Variants in ST6GAL2 observed in about 807,000 individuals in gnomAD.
ST6GAL2 encodes the protein beta-galactoside alpha-2,6-sialyltransferase 2.
Under a neutral mutation model 37.5 loss-of-function variants are expected in ST6GAL2, and 24 were observed. The ratio of observed to expected loss-of-function variants is 0.64; its 90% CI spans 0.46 to 0.90. ST6GAL2 has a LOEUF of 0.90. ST6GAL2 is among the 40% of genes least tolerant of loss of function. ST6GAL2 has a pLI of 0.00. For missense variants in ST6GAL2, 715 were observed against 712.7 expected (o/e 1.00, Z -0.04); for synonymous variants, 306 against 295.1 (o/e 1.04, Z -0.38).
intron 1 of ST6GAL2, among the ~76,000 whole-genome samples, chr2:106,846,020 C>T (rs1677129890): frequency 7.8e-6 from 1 of 127,666 alleles, no homozygotes; most frequent in South Asian, 3.0e-4. Context: ...GATACCCAGC[C>T]AGCCCCAAGC....
At chr2:106,814,310 T>G (rs1024587020) in intron 5 of ST6GAL2, among the ~76,000 whole-genome samples, 4 of 152,036 alleles carry the variant, frequency 2.6e-5, no homozygotes, top group Non-Finnish European at 5.9e-5. Flanking sequence ...ATGTTCTGAG[T>G]TTGGGTGACA....
intron 1 of ST6GAL2, among the ~76,000 whole-genome samples, chr2:106,865,974 A>G (rs1442937703): frequency 6.6e-6 from 1 of 152,222 alleles, no homozygotes; most frequent in Non-Finnish European, 1.5e-5. Context: ...TTGCATTTGC[A>G]TTAGGTTGTC....
At chr2:106,813,064 G>A in intron 5 of ST6GAL2, 2 of 1,220,414 alleles carry the variant, frequency 1.6e-6, no homozygotes, top group Non-Finnish European at 2.0e-6. Flanking sequence ...TATGGGGCCA[G>A]CTGTTTTGAA....
chr2:106,806,835 G>A lies in ST6GAL2; in HGVS notation c.1433C>T (p.Thr478Ile). ...YHELYYDAACTLGAYHPLLYE... is the reference protein window; with the variant it reads ...YHELYYDAACILGAYHPLLYE... Reference sequence around the variant, plus strand: ...GAGTAGTGGGTGGTACGCCCCGAGGGTGCAGGCTGCGTCGTAGTACAGCTC... The same window carrying A: ...GAGTAGTGGGTGGTACGCCCCGAGGATGCAGGCTGCGTCGTAGTACAGCTC... The change falls in exon 6 of 6, where the codon ACC becomes ATC. Residue 478 changes from threonine (T) to isoleucine (I), a missense_variant. By Grantham distance (89) the Thr-to-Ile change is moderately conservative (BLOSUM62 -1). Around this residue, in one of 3 missense-constraint regions of ST6GAL2, gnomAD observed 198 missense variants for 203.6 expected, o/e 0.97. Coordinates refer to ENST00000409382, the MANE Select transcript of ST6GAL2 (RefSeq NM_001142351.2). 3 of 1,614,154 alleles carry A rather than the reference G, an allele frequency of 1.9e-6. No individual in the cohort carries two copies. The highest frequency in any genetic ancestry group is 2.5e-6 in the Non-Finnish European group (3 of 1,180,042).
intron 1 of ST6GAL2, among the ~76,000 whole-genome samples, chr2:106,846,050 A>G (rs80131808): frequency 2.2e-3 from 7 of 3,174 alleles, no homozygotes; most frequent in African/African-American, 4.8e-3. Context: ...CGTCCCAGCC[A>G]TCCCAGCCAT....
At chr2:106,871,583 T>C (rs967077573) in intron 1 of ST6GAL2, among the ~76,000 whole-genome samples, 1 of 152,234 alleles carries the variant, frequency 6.6e-6, no homozygotes, top group Non-Finnish European at 1.5e-5. Flanking sequence ...ATTTATTCTA[T>C]AAGCATTTTT....
chr2:106,801,978 C>G lies in ST6GAL2; in HGVS notation c.*4700G>C, dbSNP rs1675275571. 6.6e-6 allele frequency: 1 copy of G among 152,190 alleles called. No homozygotes were observed. The highest frequency in any genetic ancestry group is 2.4e-5 in the African/African-American group (1 of 41,444). The allele number at this position is 152,190 out of a possible 1,614,324, so 9.4% of individuals were successfully genotyped here. On this transcript the variant is annotated 3_prime_UTR_variant, in exon 6 of 6. Transcript: ENST00000409382. ...TTTTCCATAGAACCAGTAAATGTTT[C>G]TTCTAATCTTTGAAAGCCATGAGCT... is the stretch of plus-strand genomic sequence containing the variant.
intron 5 of ST6GAL2, among the ~76,000 whole-genome samples, chr2:106,827,814 T>C (rs952164912): frequency 1.3e-5 from 2 of 152,228 alleles, no homozygotes; most frequent in African/African-American, 4.8e-5. Context: ...AGTAGCCATA[T>C]TGGTCAGTAC....
intron 2 of ST6GAL2, among the ~76,000 whole-genome samples, chr2:106,839,959 C>G (rs555789132): frequency 6.6e-6 from 1 of 152,272 alleles, no homozygotes; most frequent in South Asian, 2.1e-4. Flanking sequence ...TAACCAAAAC[C>G]AATTCCATTG....
At chr2:106,877,666 C>A (rs1678563232) in intron 1 of ST6GAL2, among the ~76,000 whole-genome samples, 2 of 152,190 alleles carry the variant, frequency 1.3e-5, no homozygotes, top group Non-Finnish European at 2.9e-5. Flanking sequence ...TTGGTTGGCA[C>A]CTACACAAGA....
In ST6GAL2 at chr2:106,843,551, G is replaced by A; in HGVS notation, c.427C>T (p.His143Tyr). ...FAAGQPGWHS[H>Y]TQGTLGFPSP... ...GGGAATCCCAATGTCCCCTGAGTGT[G>A]GCTGTGCCACCCTGGCTGACCAGCA... Residue 143 changes from histidine (H) to tyrosine (Y), a missense_variant, in exon 2 of 6, where the codon CAC becomes TAC. His to Tyr is a moderately conservative substitution (Grantham distance 83). This residue lies in a region of ST6GAL2 where 512 missense variants were observed against 488.8 expected (regional missense o/e 1.05). Coordinates refer to ENST00000409382, the MANE Select transcript of ST6GAL2 (RefSeq NM_001142351.2). 6.8e-6 allele frequency: 11 copies of A among 1,614,038 alleles called. No homozygotes were observed. Among genetic ancestry groups the A allele is most frequent in the Non-Finnish European group, 9.3e-6 (11 of 1,180,018 alleles).
intron 5 of ST6GAL2, among the ~76,000 whole-genome samples, chr2:106,828,242 C>T (rs1299305969): frequency 6.6e-6 from 1 of 152,140 alleles, no homozygotes; most frequent in Admixed American, 6.6e-5. Flanking sequence ...CAAATATTAG[C>T]CACATGAATT....
At chr2:106,886,904 C>G (rs892530658), upstream of ST6GAL2, 2 of 152,260 alleles carry the variant, frequency 1.3e-5, no homozygotes, top group Admixed American at 6.5e-5. Flanking sequence ...TGCGGGGCAG[C>G]ACGGCTGCCT....
intron 1 of ST6GAL2, among the ~76,000 whole-genome samples, chr2:106,866,872 AC>A (rs1678047655): frequency 6.6e-6 from 1 of 152,252 alleles, no homozygotes; most frequent in African/African-American, 2.4e-5. Flanking sequence ...TAGGAATGTA[AC>A]AGCTATGAAA....
intron 1 of ST6GAL2, among the ~76,000 whole-genome samples, chr2:106,878,233 C>A (rs376244701): frequency 5.1e-4 from 77 of 152,242 alleles, no homozygotes; most frequent in African/African-American, 1.7e-3. Flanking sequence ...GGGGTTGAGG[C>A]GGGAGGATCG....
At chr2:106,808,242 G>A (rs531291399) in intron 5 of ST6GAL2, among the ~76,000 whole-genome samples, 1 of 152,310 alleles carries the variant, frequency 6.6e-6, no homozygotes, top group Admixed American at 6.5e-5. Flanking sequence ...GCTGCCCAAA[G>A]GTGGAGAAGT....
In ST6GAL2 at chr2:106,826,891, A is replaced by G. The variant is rs1455116033; in HGVS notation, c.1318+3175T>C. 1.3e-5 allele frequency among the ~76,000 whole-genome samples: 2 copies of G among 152,208 alleles called. 1 individual carries two copies. Among genetic ancestry groups the G allele is most frequent in the Non-Finnish European group, 2.9e-5 (2 of 68,042 alleles). ...CATATCAGTATAGGAAGTGGGGCAC[A>G]CTGTTTCACCTCCAGTGCAGCCCTT... is the stretch of plus-strand genomic sequence containing the variant. On this transcript the variant is annotated intron_variant, in intron 5 of 5. Transcript: ENST00000409382.
chr2:106,843,298 T>A lies in ST6GAL2; in HGVS notation c.680A>T (p.Asp227Val). ...CCCGTGCTTGTTGGCGGTCAGGTAATCCTTCATCGCCTTCTGCAGGCGCGG... is the reference window on the plus strand; with the variant it reads ...CCCGTGCTTGTTGGCGGTCAGGTAAACCTTCATCGCCTTCTGCAGGCGCGG... Reference protein sequence around the residue: ...LNPRLQKAMKDYLTANKHGVR... With the variant: ...LNPRLQKAMKVYLTANKHGVR... The change falls in exon 2 of 6, where the codon GAT (aspartate) becomes GTT (valine). Residue 227 changes from aspartate to valine, a missense_variant. This residue lies in a region of ST6GAL2 where 512 missense variants were observed against 488.8 expected (regional missense o/e 1.05). Transcript: ENST00000409382. 6.2e-7 allele frequency: 1 copy of A among 1,613,214 alleles called. No individual in the cohort carries two copies. Among genetic ancestry groups the A allele is most frequent in the Non-Finnish European group, 8.5e-7 (1 of 1,179,642 alleles).
At chr2:106,847,543 T>C (rs893168376) in intron 1 of ST6GAL2, among the ~76,000 whole-genome samples, 3 of 152,168 alleles carry the variant, frequency 2.0e-5, no homozygotes, top group Admixed American at 6.5e-5. Flanking sequence ...ACTGCCCTCG[T>C]TTCACATGCC....
Sources: allele counts gnomAD v4.1 joint callset (sites outside exome capture counted in the v4.1 genomes callset), GRCh38; gene constraint gnomAD v4.1.1; regional missense constraint gnomAD v4.1.1; transcripts MANE v1.5; gene names NCBI Gene and HGNC (gene_info 2026-07-23, HGNC 2026-07-21).